PRORP: variants seen among roughly 807,000 people sequenced by gnomAD.
PRORP encodes the protein protein only RNase P catalytic subunit.
Under a neutral mutation model 59.4 loss-of-function variants are expected in PRORP, and 51 were observed. The ratio of observed to expected loss-of-function variants is 0.86; its 90% CI spans 0.69 to 1.08. The LOEUF is 1.08. Among genes scored for constraint, PRORP ranks in the 50% least tolerant of loss-of-function variants. The pLI, the probability that PRORP is intolerant of heterozygous loss-of-function variation, is 0.00. For synonymous variants in PRORP, 231 were observed against 245.6 expected (o/e 0.94, Z 0.55); for missense variants, 646 against 690.3 (o/e 0.94, Z 0.72).
At chr14:35,264,016 C>G (rs1180485590) in intron 5 of PRORP, among the ~76,000 whole-genome samples, 3 of 151,962 alleles carry the variant, frequency 2.0e-5, no homozygotes, top group Non-Finnish European at 4.4e-5. Flanking sequence ...TTGTAGCTCA[C>G]TGTAGCCTTG....
At chr14:35,183,815 T>A (rs1284758256) in intron 5 of PRORP, among the ~76,000 whole-genome samples, 1 of 152,184 alleles carries the variant, frequency 6.6e-6, no homozygotes, top group African/African-American at 2.4e-5. Context: ...GGATGGTTTC[T>A]TCCCCATTTT....
upstream of PRORP, chr14:35,122,057 G>C: frequency 7.4e-7 from 1 of 1,355,748 alleles, no homozygotes; most frequent in South Asian, 1.2e-5. Flanking sequence ...GTAAAGGTTA[G>C]GAAGGCCGTC....
chr14:35,200,798 A>C (rs1006552849), intron 5 of PRORP, among the ~76,000 whole-genome samples: 2 of 152,074 alleles, frequency 1.3e-5, no homozygotes, highest in Non-Finnish European at 2.9e-5. Flanking sequence ...TTCTATCACT[A>C]AGATATTAGT....
chr14:35,193,414 T>G (rs2048932501), intron 5 of PRORP, among the ~76,000 whole-genome samples: 1 of 152,234 alleles, frequency 6.6e-6, no homozygotes, highest in African/African-American at 2.4e-5. Flanking sequence ...TTAGTTGGTT[T>G]TACTACAGTG....
chr14:35,240,858 A>G (rs2050348266), intron 5 of PRORP, among the ~76,000 whole-genome samples: 1 of 152,098 alleles, frequency 6.6e-6, no homozygotes, highest in South Asian at 2.1e-4. Flanking sequence ...TGGCTGACCA[A>G]ATTGAGATGT....
At chr14:35,263,281 G>A (rs1232148247) in intron 5 of PRORP, among the ~76,000 whole-genome samples, 1 of 152,106 alleles carries the variant, frequency 6.6e-6, no homozygotes, top group Non-Finnish European at 1.5e-5. Flanking sequence ...TGGATGTTGG[G>A]CATATTCTTC....
At chr14:35,253,412 GA>G (rs374813566) in intron 5 of PRORP, among the ~76,000 whole-genome samples, 1,401 of 107,830 alleles carry the variant, frequency 0.013, 22 homozygotes, top group African/African-American at 0.063. Context: ...AGGAAAGAAA[GA>G]AAAAAAGAAA....
At chr14:35,223,620 C>A (rs1453080832) in intron 5 of PRORP, among the ~76,000 whole-genome samples, 1 of 151,884 alleles carries the variant, frequency 6.6e-6, no homozygotes, top group African/African-American at 2.4e-5. Flanking sequence ...CCACTGCGCC[C>A]AGCTAATTTT....
At chr14:35,256,467 G>A (rs778568632) in intron 5 of PRORP, among the ~76,000 whole-genome samples, 14 of 149,716 alleles carry the variant, frequency 9.4e-5, no homozygotes, top group African/African-American at 2.2e-4. Flanking sequence ...GAGCATCTGC[G>A]ATTACAGGCG....
intron 6 of PRORP, among the ~76,000 whole-genome samples, chr14:35,269,204 T>A (rs572850604): frequency 1.3e-5 from 2 of 152,342 alleles, no homozygotes; most frequent in Admixed American, 1.3e-4. Flanking sequence ...TTAAATAAGA[T>A]AATATGTGTA....
rs1191268913 is a variant in PRORP, at chr14:35,139,655, G to A, written c.1167+12044G>A. On this transcript the variant is annotated intron_variant, in intron 4 of 7. Coordinates refer to ENST00000534898, the MANE Select transcript of PRORP (RefSeq NM_014672.4). The stretch of plus-strand genomic sequence containing the variant: ...TTGATGGACATTTAGGTTATTTCCA[G>A]TTTGGTGCTGTTATAAATAAAGCTG... 2.1e-5 allele frequency among the ~76,000 whole-genome samples: 3 copies of A among 145,856 alleles called. 1 individual carries two copies. The highest frequency in any genetic ancestry group is 3.0e-5 in the Non-Finnish European group (2 of 65,614).
chr14:35,183,064 A>G (rs1280495742), intron 5 of PRORP, among the ~76,000 whole-genome samples: 1 of 152,200 alleles, frequency 6.6e-6, no homozygotes, highest in African/African-American at 2.4e-5. Context: ...TTGTCAGAAT[A>G]TAAGTGTAAG....
At chr14:35,192,185 A>G (rs1439211350) in intron 5 of PRORP, among the ~76,000 whole-genome samples, 1 of 152,196 alleles carries the variant, frequency 6.6e-6, no homozygotes, top group Admixed American at 6.5e-5. Flanking sequence ...TAGGTACACT[A>G]GGATTTTTCC....
intron 4 of PRORP, among the ~76,000 whole-genome samples, chr14:35,137,648 G>C (rs2047403294): frequency 1.4e-5 from 2 of 145,342 alleles, no homozygotes; most frequent in Non-Finnish European, 1.5e-5. Context: ...ACATTACTCT[G>C]TGTGATTGTG....
At chr14:35,121,930 G>A, upstream of PRORP, 1 of 1,614,178 alleles carries the variant, frequency 6.2e-7, no homozygotes, top group Non-Finnish European at 8.5e-7. Flanking sequence ...GCGTCGCTAG[G>A]CGCCGACGAA....
chr14:35,162,847 C>G (rs1167876006), intron 4 of PRORP, among the ~76,000 whole-genome samples: 1 of 152,128 alleles, frequency 6.6e-6, no homozygotes, highest in East Asian at 1.9e-4. Context: ...TCCTCCCCAG[C>G]TAATTAGCCA....
At chr14:35,197,608 A>T (rs2139114363) in intron 5 of PRORP, among the ~76,000 whole-genome samples, 1 of 152,306 alleles carries the variant, frequency 6.6e-6, no homozygotes, top group South Asian at 2.1e-4. Flanking sequence ...TTCAGATCTT[A>T]GATTTCTTTT....
At chr14:35,152,723 C>G (rs561824344) in intron 4 of PRORP, among the ~76,000 whole-genome samples, 1 of 150,960 alleles carries the variant, frequency 6.6e-6, no homozygotes, top group Non-Finnish European at 1.5e-5. Context: ...ACGGGTCGGC[C>G]GGGCAGAGAC....
rs749879299 is a variant in PRORP at position 35,133,981 on chromosome 14, GC to G, written c.1167+6371del. Among the ~76,000 whole-genome samples the G allele has an allele frequency of 2.6e-5, 4 of 152,166 alleles. No individual in the cohort carries two copies. The East Asian group carries it at 7.7e-4, about 29-fold the overall frequency. ...CCAAAGCCTGCTTAACTACTCCCTGGCTACTGTCTGTGTTCACTCAAGGCCC... is the reference window on the plus strand; with the variant it reads ...CCAAAGCCTGCTTAACTACTCCCTGGTACTGTCTGTGTTCACTCAAGGCCC... On this transcript the variant is annotated intron_variant, in intron 4 of 7. Coordinates refer to ENST00000534898, the MANE Select transcript of PRORP (RefSeq NM_014672.4).
Sources: allele counts gnomAD v4.1 joint callset (sites outside exome capture counted in the v4.1 genomes callset), GRCh38; gene constraint gnomAD v4.1.1; transcripts MANE v1.5; gene names NCBI Gene and HGNC (gene_info 2026-07-23, HGNC 2026-07-21).